TESC: variants seen among roughly 807,000 people sequenced by gnomAD.
TESC encodes the protein tescalcin, also known as calcineurin B homologous protein 3.
Under a neutral mutation model 31.0 loss-of-function variants are expected in TESC, and 19 were observed. That is an observed-to-expected ratio of 0.61 (90% CI 0.43 to 0.90). TESC has a LOEUF of 0.90. Ranked by LOEUF, TESC falls within the 40% of genes least tolerant of loss-of-function variation. The pLI, the probability that TESC is intolerant of heterozygous loss-of-function variation, is 0.00. For synonymous variants in TESC, 109 were observed against 114.8 expected, an observed-to-expected ratio of 0.95 and a Z score of 0.32; for missense variants, 248 against 303.8, an observed-to-expected ratio of 0.82 and a Z score of 1.36.
chr12:117,042,971 C>G (rs1393315853), intron 6 of TESC, among the ~76,000 whole-genome samples: 2 of 152,082 alleles, frequency 1.3e-5, no homozygotes, highest in African/African-American at 4.8e-5. Flanking sequence ...GCTGCAACCT[C>G]AGGCAAAAAT....
In TESC at chr12:117,046,609, T is replaced by C. The variant is rs2135749260; in HGVS notation, c.469A>G (p.Ile157Val). ...GCCTCCATCATGGCCCCGTCGGCGA[T>C]GGAGCGAGCGGACTCCTTCTCGATG... ...PHIEKESARS[I>V]ADGAMMEAAS... Residue 157 changes from isoleucine to valine, a missense_variant, in exon 6 of 8, where the codon ATC (isoleucine) becomes GTC (valine). Ile to Val is a conservative substitution (Grantham distance 29). Coordinates refer to ENST00000335209, the MANE Select transcript of TESC (RefSeq NM_017899.4). 1 of 1,551,464 alleles carries C rather than the reference T, an allele frequency of 6.4e-7. No individual in the cohort carries two copies. Among genetic ancestry groups the C allele is most frequent in the Non-Finnish European group, 8.7e-7 (1 of 1,147,042 alleles).
chr12:117,052,558 G>A (rs955561117), intron 3 of TESC, among the ~76,000 whole-genome samples: 2 of 152,118 alleles, frequency 1.3e-5, no homozygotes, highest in South Asian at 4.1e-4. Context: ...TCCACACCAG[G>A]TTTCTCTAAG....
chr12:117,086,429 A>G (rs142554561), intron 1 of TESC, among the ~76,000 whole-genome samples: 100 of 151,772 alleles, frequency 6.6e-4, no homozygotes, highest in Admixed American at 2.9e-3. Context: ...AATGGTTACA[A>G]TGTTAACTTT....
rs1451902511 is a variant in TESC, at chr12:117,069,208, T to TGGG, written c.128+6060_128+6062dup. On this transcript the variant is annotated intron_variant, in intron 2 of 7. Coordinates refer to ENST00000335209, the MANE Select transcript of TESC (RefSeq NM_017899.4). ...TGAGGATCCTGAAGCATATACGATT[T>TGGG]GGGGGTTCCCTCTTTTAAAAAGGGA... 2.6e-5 allele frequency among the ~76,000 whole-genome samples: 4 copies of TGGG among 152,124 alleles called. No individual in the cohort carries two copies. In the East Asian group the frequency reaches 7.7e-4, roughly 29 times the overall value.
chr12:117,052,859 G>A (rs1342725240), intron 3 of TESC, among the ~76,000 whole-genome samples: 1 of 150,868 alleles, frequency 6.6e-6, no homozygotes, highest in African/African-American at 2.4e-5. Context: ...ACCTTCTCAC[G>A]CACTCCAAGT....
intron 2 of TESC, among the ~76,000 whole-genome samples, chr12:117,073,053 T>G (rs1954995344): frequency 1.3e-5 from 2 of 152,198 alleles, no homozygotes; most frequent in Admixed American, 1.3e-4. Context: ...CAGCATCCAG[T>G]GTCCATATAT....
chr12:117,095,464 A>G (rs1377424781), intron 1 of TESC, among the ~76,000 whole-genome samples: 1 of 152,190 alleles, frequency 6.6e-6, no homozygotes, highest in Non-Finnish European at 1.5e-5. Context: ...CAGGCAGAGG[A>G]ACAGCTTTTG....
At chr12:117,041,087 T>C (rs1298421998) in intron 7 of TESC, among the ~76,000 whole-genome samples, 1 of 152,106 alleles carries the variant, frequency 6.6e-6, no homozygotes, top group Non-Finnish European at 1.5e-5. Flanking sequence ...CATCTGATTA[T>C]CAAAACGGCC....
chr12:117,072,245 A>C (rs1321903070), intron 2 of TESC, among the ~76,000 whole-genome samples: 2 of 152,156 alleles, frequency 1.3e-5, no homozygotes, highest in Non-Finnish European at 2.9e-5. Flanking sequence ...CTTAGAGCTA[A>C]ACTGCCCTGC....
intron 1 of TESC, among the ~76,000 whole-genome samples, chr12:117,095,628 A>G (rs908015641): frequency 6.6e-6 from 1 of 152,196 alleles, no homozygotes; most frequent in Admixed American, 6.5e-5. Context: ...CTGTAACTCC[A>G]GCGCTTTCAA....
chr12:117,089,053 A>C (rs961445041), intron 1 of TESC, among the ~76,000 whole-genome samples: 13 of 152,220 alleles, frequency 8.5e-5, no homozygotes, highest in Admixed American at 5.2e-4. Flanking sequence ...CTGCCTCTGC[A>C]CATCAGGTGG....
chr12:117,074,509 T>G (rs1436087707), intron 2 of TESC, among the ~76,000 whole-genome samples: 1 of 152,096 alleles, frequency 6.6e-6, no homozygotes, highest in Non-Finnish European at 1.5e-5. Flanking sequence ...TAACAGAAAT[T>G]TGAGGCGGCC....
At chr12:117,056,462 C>A (rs1423148674) in intron 3 of TESC, among the ~76,000 whole-genome samples, 3 of 146,288 alleles carry the variant, frequency 2.1e-5, no homozygotes, top group African/African-American at 7.9e-5. Context: ...CAGCCTCGAA[C>A]TTCTGGCCTC....
At chr12:117,097,356 C>T (rs959400147) in intron 1 of TESC, among the ~76,000 whole-genome samples, 6 of 152,164 alleles carry the variant, frequency 3.9e-5, no homozygotes, top group African/African-American at 9.7e-5. Flanking sequence ...CAGTGGGAGG[C>T]TGGACCCAGG....
At chr12:117,048,901 C>T in intron 4 of TESC, 118 bp downstream of exon 4, 1 of 1,527,262 alleles carries the variant, frequency 6.5e-7, no homozygotes, top group Non-Finnish European at 8.9e-7. Context: ...CCAAGCCCTC[C>T]AAGCCCCCAA....
chr12:117,040,516 G>A (rs1402817998), intron 7 of TESC, among the ~76,000 whole-genome samples: 2 of 152,144 alleles, frequency 1.3e-5, no homozygotes, highest in African/African-American at 2.4e-5. Flanking sequence ...CTGAAGCAGC[G>A]ATACTTCCTC....
chr12:117,075,093 C>T (rs1353676517), intron 2 of TESC, among the ~76,000 whole-genome samples, 178 bp downstream of exon 2: 1 of 152,170 alleles, frequency 6.6e-6, no homozygotes, highest in Non-Finnish European at 1.5e-5. Flanking sequence ...TTGCAGTGAG[C>T]CGAGACAGCA....
intron 2 of TESC, among the ~76,000 whole-genome samples, chr12:117,074,657 C>G (rs1216989065): frequency 6.6e-6 from 1 of 152,064 alleles, no homozygotes; most frequent in East Asian, 1.9e-4. Context: ...TTGGAAGGAC[C>G]CTGGGATTTA....
intron 7 of TESC, among the ~76,000 whole-genome samples, chr12:117,041,706 C>A (rs1186296416): frequency 6.6e-6 from 1 of 152,204 alleles, no homozygotes; most frequent in Non-Finnish European, 1.5e-5. Flanking sequence ...ACTATATACC[C>A]TTTTGTACTG....
Sources: gnomAD v4.1 joint callset for allele counts (sites outside exome capture counted in the v4.1 genomes callset) on GRCh38, gnomAD v4.1.1 for gene constraint, MANE v1.5 for transcripts, NCBI Gene and HGNC (gene_info 2026-07-23, HGNC 2026-07-21) for gene names.